Variants in PAICS observed in about 807,000 individuals in gnomAD.
The protein encoded by PAICS is bifunctional phosphoribosylaminoimidazole carboxylase/phosphoribosylaminoimidazole succinocarboxamide synthetase.
A neutral mutation model predicts 53.7 loss-of-function variants in PAICS; 33 were observed. The observed-to-expected ratio is 0.61, with a 90% CI of 0.47 to 0.82. The LOEUF is 0.82. Ranked by LOEUF, PAICS falls within the 40% of genes least tolerant of loss-of-function variation. PAICS has a pLI of 0.00. For synonymous variants in PAICS, 141 were observed against 167.2 expected, an observed-to-expected ratio of 0.84 and a Z score of 1.21; for missense variants, 394 against 494.1, an observed-to-expected ratio of 0.80 and a Z score of 1.92.
At chr4:56,428,941 A>C in the PAICS span, 3 of 947,830 alleles carry the variant, frequency 3.2e-6, no homozygotes, top group Non-Finnish European at 3.8e-6. Context: ...TTATTTAAGA[A>C]TTATTTGAAG....
upstream of PAICS, chr4:56,435,476 A>G (rs1258980028): frequency 6.2e-7 from 1 of 1,613,360 alleles, no homozygotes; most frequent in Non-Finnish European, 8.5e-7. Context: ...CTCCAGCTCC[A>G]TGTCGCCGCC....
At chr4:56,451,351 CTT>C (rs1403702073) in intron 6 of PAICS, among the ~76,000 whole-genome samples, 3 of 152,110 alleles carry the variant, frequency 2.0e-5, no homozygotes, top group African/African-American at 4.8e-5. Context: ...CTCTGTGTGA[CTT>C]TAAATATTCC....
rs200862087 is a variant in PAICS at position 56,450,423 on chromosome 4, ACTTAAC to A, written c.688-190_688-185del. 5.1e-4 allele frequency among the ~76,000 whole-genome samples: 78 copies of A among 152,360 alleles called. No individual in the cohort carries two copies. The East Asian group carries it at 0.013, about 26-fold the overall frequency. On this transcript the variant is annotated intron_variant, in intron 5 of 8. Coordinates refer to ENST00000512576, the MANE Select transcript of PAICS (RefSeq NM_001079524.2). ...AATTGTAGTTGCTAGTACAGAAAACACTTAACCTTAAGTGAAAATAAAAGTATACTT... is the reference window on the plus strand; with the variant it reads ...AATTGTAGTTGCTAGTACAGAAAACACTTAAGTGAAAATAAAAGTATACTT...
chr4:56,415,458 A>G, the PAICS span, among the ~76,000 whole-genome samples: 1 of 152,340 alleles, frequency 6.6e-6, no homozygotes, highest in South Asian at 2.1e-4. Context: ...ATTTTATGAA[A>G]GCCTATATAA....
At chr4:56,421,887 G>A in the PAICS span, 1 of 152,134 alleles carries the variant, frequency 6.6e-6, no homozygotes, top group Non-Finnish European at 1.5e-5. Flanking sequence ...TATCTATAGT[G>A]ACAAAAAGAT....
chr4:56,426,714 T>C, the PAICS span, among the ~76,000 whole-genome samples: 8 of 152,252 alleles, frequency 5.3e-5, no homozygotes, highest in Non-Finnish European at 1.0e-4. Flanking sequence ...CTGGCTCCTA[T>C]GAATACTGTT....
the PAICS span, among the ~76,000 whole-genome samples, chr4:56,416,069 CA>C: frequency 5.9e-3 from 821 of 139,420 alleles, 6 homozygotes; most frequent in African/African-American, 0.018. Context: ...GACTCTGTCT[CA>C]AAAAAAAAAA....
Position 56,463,323 on chromosome 4 carries a change from AC to A in PAICS, c.*3786del, listed in dbSNP as rs548707035. 1.4e-4 allele frequency: 21 copies of A among 151,692 alleles called. No individual in the cohort carries two copies. The East Asian group carries it at 3.9e-3, about 28-fold the overall frequency. The allele number at this position is 151,692 out of a possible 1,614,324, so 9.4% of individuals were successfully genotyped here. A position where few individuals can be genotyped will look rare whatever the true frequency, so the allele number is the denominator to read the frequency against. ...CTGAGTTGATAAGATACCATAAGATACTGTACATGAGGCTGGGCGCGGTGGC... is the reference window on the plus strand; with the variant it reads ...CTGAGTTGATAAGATACCATAAGATATGTACATGAGGCTGGGCGCGGTGGC... On this transcript the variant is annotated 3_prime_UTR_variant, in exon 9 of 9. Transcript: ENST00000512576.
chr4:56,440,817 T>C (rs1718299290), intron 1 of PAICS, among the ~76,000 whole-genome samples: 1 of 152,236 alleles, frequency 6.6e-6, no homozygotes, highest in Non-Finnish European at 1.5e-5. Context: ...GGCACATGGA[T>C]ACACCGGGAA....
At chr4:56,441,946 C>T (rs1424917080) in intron 2 of PAICS, 86 bp downstream of exon 2, 4 of 896,692 alleles carry the variant, frequency 4.5e-6, no homozygotes, top group Non-Finnish European at 6.7e-6. Flanking sequence ...TTAATATGAA[C>T]AACTTGTTTG....
At chr4:56,439,741 G>T (rs10222713) in intron 1 of PAICS, among the ~76,000 whole-genome samples, 1 of 151,658 alleles carries the variant, frequency 6.6e-6, no homozygotes, top group South Asian at 2.1e-4. Flanking sequence ...CTGCGGCCTC[G>T]ACCTCCCCAA....
Position 56,450,658 on chromosome 4 carries a change from C to A in PAICS, c.727C>A (p.Gln243Lys). 1 of 1,547,294 alleles carries A rather than the reference C, an allele frequency of 6.5e-7. No individual in the cohort carries two copies. Among genetic ancestry groups the A allele is most frequent in the Non-Finnish European group, 8.8e-7 (1 of 1,138,980 alleles). ...CAAAGAAGTAACTCCTGAAGGGCTC[C>A]AAATGGTAAAGAAAAACTTTGAGTG... is the stretch of plus-strand genomic sequence containing the variant. ...DLKEVTPEGL[Q>K]MVKKNFEWVA... The change falls in exon 6 of 9, where the codon CAA becomes AAA. Residue 243 changes from glutamine to lysine, a missense_variant. This residue lies in a region of PAICS where 131 missense variants were observed against 205.5 expected (regional missense o/e 0.64). Transcript: ENST00000512576.
the PAICS span, among the ~76,000 whole-genome samples, chr4:56,415,286 C>T: frequency 6.6e-6 from 1 of 152,140 alleles, no homozygotes; most frequent in Non-Finnish European, 1.5e-5. Context: ...TTACAAAGAG[C>T]AATCAAAAGA....
At chr4:56,445,127 T>G (rs1354417417) in intron 2 of PAICS, among the ~76,000 whole-genome samples, 2 of 152,160 alleles carry the variant, frequency 1.3e-5, no homozygotes, top group Non-Finnish European at 2.9e-5. Flanking sequence ...CACAATTCTT[T>G]CTTTTTTTCA....
chr4:56,420,076 A>G, the PAICS span: 568 of 733,140 alleles, frequency 7.7e-4, 4 homozygotes, highest in African/African-American at 9.8e-3. Flanking sequence ...AATAATCTTA[A>G]CATCATGTTA....
At chr4:56,454,064 C>G (rs572934981) in intron 8 of PAICS, among the ~76,000 whole-genome samples, 18 of 152,286 alleles carry the variant, frequency 1.2e-4, no homozygotes, top group Admixed American at 3.9e-4. Context: ...ACTATCTAAG[C>G]CACCAGGTTT....
chr4:56,436,280 G>A lies in PAICS; in HGVS notation c.-33G>A, dbSNP rs747488260. ...TTTCTAGAGTTCTGCCTCGCTTCCC[G>A]GCGCGGTCGCAGCCCTCAGCCCACT... On this transcript the variant is annotated 5_prime_UTR_variant, in exon 1 of 9. Transcript: ENST00000512576. 5 of 1,594,202 alleles carry A rather than the reference G, an allele frequency of 3.1e-6. No individual in the cohort carries two copies. Among genetic ancestry groups the A allele is most frequent in the South Asian group, 2.3e-5 (2 of 87,398 alleles).
the PAICS span, among the ~76,000 whole-genome samples, chr4:56,415,306 G>A: frequency 6.6e-6 from 1 of 152,230 alleles, no homozygotes; most frequent in East Asian, 1.9e-4. Flanking sequence ...ATACTTATCC[G>A]CCTCCCAATT....
upstream of PAICS, chr4:56,435,521 G>C (rs1234026594): frequency 1.2e-6 from 2 of 1,612,166 alleles, no homozygotes; most frequent in Admixed American, 1.7e-5. Context: ...CTGCGGCCAA[G>C]GTGTAAGCAC....
Sources: gnomAD v4.1 joint callset for allele counts (sites outside exome capture counted in the v4.1 genomes callset) on GRCh38, gnomAD v4.1.1 for gene constraint, gnomAD v4.1.1 regional missense constraint, MANE v1.5 for transcripts, NCBI Gene and HGNC (gene_info 2026-07-23, HGNC 2026-07-21) for gene names.